The following CRY1 variants were observed in gnomAD, a reference collection of about 807,000 sequenced individuals.
The protein encoded by CRY1 is cryptochrome-1.
In CRY1, 45 loss-of-function variants were observed where a neutral mutation model predicts 76.0. That is an observed-to-expected ratio of 0.59 (90% CI 0.47 to 0.76). The LOEUF is 0.76. Ranked by LOEUF, CRY1 falls within the 30% of genes least tolerant of loss-of-function variation. CRY1 has a pLI of 0.00. For synonymous variants in CRY1, 248 were observed against 244.0 expected, an observed-to-expected ratio of 1.02 and a Z score of -0.15; for missense variants, 587 against 716.4, an observed-to-expected ratio of 0.82 and a Z score of 2.06.
chr12:107,091,943 C>T (rs972464747), intron 1 of CRY1, among the ~76,000 whole-genome samples: 5 of 152,176 alleles, frequency 3.3e-5, no homozygotes, highest in Non-Finnish European at 7.3e-5. Flanking sequence ...TTCTTTATCC[C>T]TTTACTCTGC....
intron 2 of CRY1, among the ~76,000 whole-genome samples, chr12:107,013,455 C>A (rs1447511297): frequency 6.6e-6 from 1 of 152,078 alleles, no homozygotes; most frequent in Non-Finnish European, 1.5e-5. Flanking sequence ...AGTATAAAGA[C>A]AACTTTTATA....
chr12:107,056,923 A>G (rs554822874), intron 1 of CRY1, among the ~76,000 whole-genome samples: 1 of 152,294 alleles, frequency 6.6e-6, no homozygotes, highest in Admixed American at 6.5e-5. Flanking sequence ...AAGAATTAAG[A>G]CAAACATATA....
At chr12:107,066,681 G>T (rs1280553696) in intron 1 of CRY1, among the ~76,000 whole-genome samples, 1 of 152,144 alleles carries the variant, frequency 6.6e-6, no homozygotes, top group Non-Finnish European at 1.5e-5. Flanking sequence ...GCCCAGGCTG[G>T]TCTCGAACTC....
In CRY1 at chr12:107,093,401, CGAG is replaced by C. The variant is rs1231625459; in HGVS notation, c.-443_-441del. 1 of 158,782 alleles carries C rather than the reference CGAG, an allele frequency of 6.3e-6. No individual in the cohort carries two copies. Among genetic ancestry groups the C allele is most frequent in the Non-Finnish European group, 1.4e-5 (1 of 72,320 alleles). The allele number at this position is 158,782 out of a possible 1,614,324, so 9.8% of individuals were successfully genotyped here. On this transcript the variant is annotated 5_prime_UTR_variant, in exon 1 of 13. Coordinates refer to ENST00000008527, the MANE Select transcript of CRY1 (RefSeq NM_004075.5). ...AAACGGCCCGCCCGAGGTGAGTCAC[CGAG>C]GAGAACCGGAGGGGAATGAGCCCCT...
At chr12:107,069,650 T>C (rs1156788182) in intron 1 of CRY1, among the ~76,000 whole-genome samples, 2 of 138,494 alleles carry the variant, frequency 1.4e-5, no homozygotes, top group East Asian at 2.1e-4. Flanking sequence ...ATAAAAAGTA[T>C]ATAAAGTATA....
chr12:107,031,630 A>G (rs1195792048), intron 1 of CRY1, among the ~76,000 whole-genome samples: 2 of 152,210 alleles, frequency 1.3e-5, no homozygotes, highest in African/African-American at 4.8e-5. Flanking sequence ...CTCTGACTTA[A>G]TGTGATGAGA....
At chr12:107,019,238 C>T (rs994086676) in intron 2 of CRY1, among the ~76,000 whole-genome samples, 1 of 151,316 alleles carries the variant, frequency 6.6e-6, no homozygotes, top group Non-Finnish European at 1.5e-5. Context: ...AACATATGCA[C>T]GTTGAACCTA....
At chr12:107,002,056 G>T in intron 3 of CRY1, 108 bp from the exon 4 acceptor site, 1 of 868,544 alleles carries the variant, frequency 1.2e-6, no homozygotes, top group Non-Finnish European at 1.7e-6. Flanking sequence ...AATCACTGAA[G>T]TCTTTGAGGG....
chr12:107,022,893 T>C (rs768878110), intron 1 of CRY1, among the ~76,000 whole-genome samples: 10 of 150,686 alleles, frequency 6.6e-5, no homozygotes, highest in Admixed American at 4.0e-4. Context: ...GTGGAGATTA[T>C]AGACTTTTTC....
rs1327430068 is a variant in CRY1, at chr12:106,991,675, TTGAG to T, written c.*323_*326del. Reference sequence around the variant, plus strand: ...CTTTTTTCCCACTGACTTCAAAACTTTGAGTTTTATATCAGAATATCAATTTGTC... The same window carrying T: ...CTTTTTTCCCACTGACTTCAAAACTTTTTTATATCAGAATATCAATTTGTC... On this transcript the variant is annotated 3_prime_UTR_variant, in exon 13 of 13. Coordinates refer to ENST00000008527, the MANE Select transcript of CRY1 (RefSeq NM_004075.5). The T allele has an allele frequency of 6.6e-6, 1 of 152,590 alleles. No homozygotes were observed. Among genetic ancestry groups the T allele is most frequent in the Non-Finnish European group, 1.5e-5 (1 of 68,006 alleles). The allele number at this position is 152,590 out of a possible 1,614,324, so 9.5% of individuals were successfully genotyped here.
At chr12:107,002,767 A>T (rs1248924319) in intron 3 of CRY1, among the ~76,000 whole-genome samples, 2 of 152,142 alleles carry the variant, frequency 1.3e-5, no homozygotes, top group Non-Finnish European at 2.9e-5. Flanking sequence ...GAGGTAACTG[A>T]ATCATGGGGG....
intron 1 of CRY1, among the ~76,000 whole-genome samples, chr12:107,058,056 A>C (rs1953005061): frequency 6.6e-6 from 1 of 152,154 alleles, no homozygotes; most frequent in South Asian, 2.1e-4. Context: ...GCCCTGTCTC[A>C]AAAATAAAAA....
chr12:106,995,986 G>GGCA (rs1178318461), intron 10 of CRY1, among the ~76,000 whole-genome samples: 2 of 152,174 alleles, frequency 1.3e-5, no homozygotes, highest in Non-Finnish European at 2.9e-5. Flanking sequence ...TGGGATTACA[G>GGCA]GCATGCGCTA....
chr12:107,087,761 A>G lies in CRY1; in HGVS notation c.158+5043T>C, dbSNP rs149239884. Among the ~76,000 whole-genome samples, 778 of 152,288 alleles carry G rather than the reference A, an allele frequency of 5.1e-3. 6 individuals carry two copies. Among genetic ancestry groups the G allele is most frequent in the African/African-American group, 0.018 (734 of 41,550 alleles). On this transcript the variant is annotated intron_variant, in intron 1 of 12. Transcript: ENST00000008527. ...AGATGATTATATCTTACAATAGAAAAAAGAGGGTGGGCATGGTGGCTTACA... is the reference window on the plus strand; with the variant it reads ...AGATGATTATATCTTACAATAGAAAGAAGAGGGTGGGCATGGTGGCTTACA...
chr12:107,060,375 G>A (rs920075638), intron 1 of CRY1, among the ~76,000 whole-genome samples: 7 of 151,902 alleles, frequency 4.6e-5, no homozygotes, highest in Admixed American at 2.0e-4. Context: ...TCTCTCTCTT[G>A]TCCTCTCTTT....
chr12:106,993,069 A>C (rs773767110), intron 10 of CRY1, 33 bp from the exon 11 acceptor site: 18 of 1,603,302 alleles, frequency 1.1e-5, no homozygotes, highest in Non-Finnish European at 1.5e-5. Context: ...AAAATTACTT[A>C]AAATCAAATC....
At chr12:107,024,991 A>C (rs1395962465) in intron 1 of CRY1, among the ~76,000 whole-genome samples, 3 of 152,244 alleles carry the variant, frequency 2.0e-5, no homozygotes, top group African/African-American at 7.2e-5. Context: ...AGTAGAACAC[A>C]CTATGATGCT....
chr12:107,092,867 C>A lies in CRY1; in HGVS notation c.95G>T (p.Arg32Leu), dbSNP rs1349527631. The stretch of plus-strand genomic sequence containing the variant: ...CCAGGGGTCCAGGATGTAGACGCAG[C>A]GGATGGTGTCGGCGCCCTGAATGCA... ...KECIQGADTI[R>L]CVYILDPWFA... Residue 32 changes from arginine (R) to leucine (L), a missense_variant, in exon 1 of 13, where the codon CGC becomes CTC. By Grantham distance (102) the Arg-to-Leu change is moderately radical. Transcript: ENST00000008527. 1 of 1,610,352 alleles carries A rather than the reference C, an allele frequency of 6.2e-7. No homozygotes were observed. Among genetic ancestry groups the A allele is most frequent in the Non-Finnish European group, 8.5e-7 (1 of 1,179,352 alleles).
At chr12:107,026,941 C>G (rs1444891535) in intron 1 of CRY1, among the ~76,000 whole-genome samples, 1 of 151,982 alleles carries the variant, frequency 6.6e-6, no homozygotes, top group Admixed American at 6.6e-5. Context: ...TGAAGGAAAC[C>G]TTTCCCAGTA....
Sources: allele counts gnomAD v4.1 joint callset (sites outside exome capture counted in the v4.1 genomes callset), GRCh38; gene constraint gnomAD v4.1.1; transcripts MANE v1.5; gene names NCBI Gene and HGNC (gene_info 2026-07-23, HGNC 2026-07-21).